CTSC: variants seen among roughly 807,000 people sequenced by gnomAD.
CTSC encodes the protein dipeptidyl peptidase 1.
A neutral mutation model predicts 40.9 loss-of-function variants in CTSC; 37 were observed. The observed-to-expected ratio is 0.91, with a 90% CI of 0.70 to 1.19. The LOEUF (loss-of-function observed/expected upper bound fraction) is 1.19. Ranked by LOEUF, CTSC falls within the 50% of genes most tolerant of loss-of-function variation. The pLI, the probability that CTSC is intolerant of heterozygous loss-of-function variation, is 0.00. For synonymous variants in CTSC, 232 were observed against 207.4 expected (o/e 1.12, Z -1.02); for missense variants, 594 against 567.3 (o/e 1.05, Z -0.48).
chr11:88,330,278 C>T (rs1349449401), intron 2 of CTSC, among the ~76,000 whole-genome samples: 2 of 152,098 alleles, frequency 1.3e-5, no homozygotes, highest in African/African-American at 4.8e-5. Flanking sequence ...CCTGAGTGGG[C>T]CCTAAATGTA....
chr11:88,315,948 G>C (rs1011396042), intron 2 of CTSC, among the ~76,000 whole-genome samples: 1 of 151,852 alleles, frequency 6.6e-6, no homozygotes, highest in African/African-American at 2.4e-5. Flanking sequence ...TAAATGGAGA[G>C]GAAAGGATTC....
intron 2 of CTSC, among the ~76,000 whole-genome samples, chr11:88,329,074 C>A (rs1049072058): frequency 1.3e-5 from 2 of 152,152 alleles, no homozygotes; most frequent in East Asian, 1.9e-4. Context: ...ATTTCCTCAG[C>A]CCTTGAGTAG....
At chr11:88,298,773 G>C (rs1028874449) in intron 5 of CTSC, 1 of 152,086 alleles carries the variant, frequency 6.6e-6, no homozygotes, top group Non-Finnish European at 1.5e-5. Flanking sequence ...ACTTATAACA[G>C]TCAAAGAATA....
chr11:88,312,257 T>C, intron 3 of CTSC, 131 bp downstream of exon 3: 1 of 864,598 alleles, frequency 1.2e-6, no homozygotes, highest in South Asian at 1.5e-5. Flanking sequence ...AGTAAGGTTT[T>C]ACATAGCATG....
intron 2 of CTSC, chr11:88,328,101 A>G (rs1310310035): frequency 3.8e-6 from 6 of 1,599,954 alleles, no homozygotes; most frequent in East Asian, 4.5e-5. Flanking sequence ...AAATTTTTCA[A>G]TGGAGCTCAC....
chr11:88,315,397 A>G (rs1428017161), intron 2 of CTSC, among the ~76,000 whole-genome samples: 5 of 152,246 alleles, frequency 3.3e-5, no homozygotes, highest in African/African-American at 7.2e-5. Context: ...AAATTTAAAA[A>G]GTATTAGGTA....
chr11:88,314,716 T>G (rs1937838135), intron 2 of CTSC, among the ~76,000 whole-genome samples: 1 of 152,016 alleles, frequency 6.6e-6, no homozygotes, highest in African/African-American at 2.4e-5. Flanking sequence ...TTAGTAGAGA[T>G]AGGGTTTCAC....
chr11:88,295,661 A>G (rs979312092), intron 6 of CTSC, among the ~76,000 whole-genome samples: 2 of 152,166 alleles, frequency 1.3e-5, no homozygotes, highest in African/African-American at 2.4e-5. Flanking sequence ...GGTTATAGGC[A>G]TAAGCCACTG....
chr11:88,306,820 C>G (rs1162332867), intron 4 of CTSC, among the ~76,000 whole-genome samples: 2 of 152,244 alleles, frequency 1.3e-5, no homozygotes, highest in African/African-American at 4.8e-5. Flanking sequence ...CTGATTAACA[C>G]AAGCCATCTG....
In CTSC at chr11:88,309,310, T is replaced by C. The variant is rs1447915961; in HGVS notation, c.494A>G (p.Asn165Ser). The C allele has an allele frequency of 2.5e-6, 4 of 1,613,126 alleles. No homozygotes were observed. The highest frequency in any genetic ancestry group is 1.7e-6 in the Non-Finnish European group (2 of 1,179,230). Residue 165 changes from asparagine to serine, a missense_variant, in exon 4 of 7, where the codon AAT becomes AGT. Physicochemically the swap from Asn to Ser is conservative, Grantham distance 46 (BLOSUM62 1). Coordinates refer to ENST00000227266, the MANE Select transcript of CTSC (RefSeq NM_001814.6). ...HLKNSQEKYS[N>S]RLYKYDHNFV... ...GTTGTGATCATACTTGTAGAGCCTA[T>C]TAGAATACCTGTCCCCAAAAATGAG... is the stretch of plus-strand genomic sequence containing the variant.
intron 4 of CTSC, among the ~76,000 whole-genome samples, chr11:88,307,167 A>C (rs1038533147): frequency 6.6e-6 from 1 of 151,832 alleles, no homozygotes; most frequent in Non-Finnish European, 1.5e-5. Context: ...AGAGGATTAA[A>C]CATTGTATTC....
intron 1 of CTSC, among the ~76,000 whole-genome samples, chr11:88,335,381 G>T (rs972339521): frequency 9.2e-5 from 14 of 152,052 alleles, no homozygotes; most frequent in African/African-American, 3.4e-4. Context: ...ACTAGTTTGG[G>T]CAACATAGTG....
chr11:88,326,278 T>C (rs1938183382), intron 2 of CTSC: 1 of 1,593,988 alleles, frequency 6.3e-7, no homozygotes, highest in South Asian at 1.1e-5. Flanking sequence ...CTCCTTTGCA[T>C]TTTGCATGCA....
At chr11:88,326,133 C>T in intron 2 of CTSC, 3 of 1,308,928 alleles carry the variant, frequency 2.3e-6, no homozygotes, top group Non-Finnish European at 2.9e-6. Flanking sequence ...TGAAGCCACC[C>T]AAGATTTTGC....
At chr11:88,329,640 T>A (rs1002850415) in intron 2 of CTSC, among the ~76,000 whole-genome samples, 4 of 152,000 alleles carry the variant, frequency 2.6e-5, no homozygotes, top group African/African-American at 4.8e-5. Context: ...GAAGAAAAAA[T>A]AATCACATAT....
chr11:88,328,422 C>T (rs1938251790), intron 2 of CTSC, among the ~76,000 whole-genome samples: 1 of 152,168 alleles, frequency 6.6e-6, no homozygotes, highest in Admixed American at 6.5e-5. Flanking sequence ...GTATACCTAT[C>T]TCAATAAGTC....
At chr11:88,303,989 T>C (rs1937608025) in intron 4 of CTSC, among the ~76,000 whole-genome samples, 1 of 151,514 alleles carries the variant, frequency 6.6e-6, no homozygotes, top group African/African-American at 2.4e-5. Context: ...CGTTAAAAGA[T>C]AGTGACAAGG....
intron 2 of CTSC, chr11:88,322,082 A>G (rs1313360643): frequency 6.6e-6 from 1 of 152,056 alleles, no homozygotes; most frequent in Non-Finnish European, 1.5e-5. Context: ...TTCTTTGCCA[A>G]CTTTTTAATG....
chr11:88,326,669 G>A (rs1938201068), intron 2 of CTSC, among the ~76,000 whole-genome samples: 1 of 152,086 alleles, frequency 6.6e-6, no homozygotes, highest in Non-Finnish European at 1.5e-5. Context: ...TGCTTTAGAA[G>A]CACATGCATC....
Sources: gnomAD v4.1 joint callset for allele counts (sites outside exome capture counted in the v4.1 genomes callset) on GRCh38, gnomAD v4.1.1 for gene constraint, MANE v1.5 for transcripts, NCBI Gene and HGNC (gene_info 2026-07-23, HGNC 2026-07-21) for gene names.